Variants in ERC2 observed in about 807,000 individuals in gnomAD.
ERC2 encodes the protein ELKS/RAB6-interacting/CAST family member 2.
ERC2 carries 42 observed loss-of-function variants against 114.8 expected under a neutral mutation model. The ratio of observed to expected loss-of-function variants is 0.37; its 90% CI spans 0.29 to 0.47. ERC2 has a LOEUF of 0.47. Among genes scored for constraint, ERC2 ranks in the 20% least tolerant of loss-of-function variants. The pLI is 0.99. For synonymous variants in ERC2, 454 were observed against 425.5 expected (o/e 1.07, Z -0.82); for missense variants, 939 against 1,150.7 (o/e 0.82, Z 2.66).
At chr3:56,131,719 G>C (rs2149890267) in intron 6 of ERC2, among the ~76,000 whole-genome samples, 1 of 152,270 alleles carries the variant, frequency 6.6e-6, no homozygotes, top group Admixed American at 6.5e-5. Context: ...GGAAAGGTTG[G>C]TTAACAGATA....
intron 17 of ERC2, among the ~76,000 whole-genome samples, chr3:55,621,062 C>G (rs2059305083): frequency 6.6e-6 from 1 of 152,120 alleles, no homozygotes; most frequent in African/African-American, 2.4e-5. Flanking sequence ...GCCAGGAGGC[C>G]TTGAAGCACA....
chr3:56,193,767 C>G (rs960022619), intron 3 of ERC2, among the ~76,000 whole-genome samples: 1 of 152,152 alleles, frequency 6.6e-6, no homozygotes, highest in African/African-American at 2.4e-5. Context: ...GGTTAAATCA[C>G]TTGCCCAAAG....
intron 17 of ERC2, among the ~76,000 whole-genome samples, chr3:55,561,636 C>A (rs896722938): frequency 6.6e-6 from 1 of 152,172 alleles, no homozygotes; most frequent in Non-Finnish European, 1.5e-5. Context: ...ATTTTCCCCA[C>A]TGCCCTTTTC....
chr3:55,647,848 G>A (rs548154327), intron 17 of ERC2, among the ~76,000 whole-genome samples: 4 of 152,374 alleles, frequency 2.6e-5, no homozygotes, highest in East Asian at 1.9e-4. Context: ...CACAAACCCA[G>A]CAAGCTGAAA....
intron 14 of ERC2, among the ~76,000 whole-genome samples, chr3:55,857,581 A>T (rs777421487): frequency 2.6e-5 from 4 of 152,216 alleles, no homozygotes; most frequent in Admixed American, 2.0e-4. Flanking sequence ...CCACTAATAC[A>T]GAAAACAAAA....
chr3:55,851,719 A>G (rs951040682), intron 14 of ERC2, among the ~76,000 whole-genome samples: 6 of 151,070 alleles, frequency 4.0e-5, no homozygotes, highest in Admixed American at 1.3e-4. Flanking sequence ...AATCCCATCT[A>G]CTCTCATTAG....
chr3:55,688,858 GA>G (rs2062476598), intron 16 of ERC2, among the ~76,000 whole-genome samples: 2 of 152,148 alleles, frequency 1.3e-5, no homozygotes, highest in Admixed American at 1.3e-4. Flanking sequence ...TCCTCTGAAG[GA>G]ATATGCTTCC....
intron 13 of ERC2, among the ~76,000 whole-genome samples, chr3:55,920,446 A>ACGCCCCC (rs57638674): frequency 6.9e-6 from 1 of 145,446 alleles, no homozygotes; most frequent in South Asian, 2.2e-4. Flanking sequence ...ACACACACAC[A>ACGCCCCC]CCCCAAGTGA....
chr3:55,973,671 GGTT>G (rs1415325686), intron 12 of ERC2, among the ~76,000 whole-genome samples: 1 of 152,062 alleles, frequency 6.6e-6, no homozygotes, highest in African/African-American at 2.4e-5. Context: ...ACCCTTCCAG[GGTT>G]GTTGGGATTA....
chr3:56,185,873 G>C (rs995115801), intron 3 of ERC2, among the ~76,000 whole-genome samples: 2 of 152,024 alleles, frequency 1.3e-5, no homozygotes, highest in Non-Finnish European at 1.5e-5. Context: ...GAGGCAGAGA[G>C]AGATGCGGCA....
At chr3:56,113,264 C>T (rs948447051) in intron 6 of ERC2, among the ~76,000 whole-genome samples, 10 of 152,124 alleles carry the variant, frequency 6.6e-5, no homozygotes, top group African/African-American at 2.4e-4. Context: ...AAAGAAAGAG[C>T]TGGAACATAT....
intron 17 of ERC2, chr3:55,658,238 G>A (rs1178874188): frequency 6.6e-6 from 1 of 152,124 alleles, no homozygotes; most frequent in African/African-American, 2.4e-5. Context: ...TCATTTTCAG[G>A]TAGGGTTCTC....
At chr3:56,049,221 G>C (rs1032831887) in intron 7 of ERC2, among the ~76,000 whole-genome samples, 8 of 152,168 alleles carry the variant, frequency 5.3e-5, no homozygotes, top group African/African-American at 1.9e-4. Context: ...CTGGCTGCTG[G>C]GGGTGAGCGC....
chr3:55,845,311 C>A (rs929606768), intron 14 of ERC2, among the ~76,000 whole-genome samples: 12 of 151,868 alleles, frequency 7.9e-5, no homozygotes, highest in African/African-American at 2.9e-4. Context: ...GAGACCATCC[C>A]GGCTAAAACG....
intron 2 of ERC2, among the ~76,000 whole-genome samples, chr3:56,299,331 T>G (rs2055701212): frequency 6.6e-6 from 1 of 151,490 alleles, no homozygotes; most frequent in Non-Finnish European, 1.5e-5. Flanking sequence ...GGTTTCACAG[T>G]GTTAGTCAGG....
At chr3:55,526,676 A>C (rs890051247) in intron 17 of ERC2, among the ~76,000 whole-genome samples, 24 of 152,226 alleles carry the variant, frequency 1.6e-4, no homozygotes, top group African/African-American at 5.1e-4. Flanking sequence ...GAAACCCCTG[A>C]AGATGAGCCA....
At position 55,509,363 on chromosome 3, in the gene ERC2, A is replaced by G. The variant is rs2051943498; in HGVS notation, c.*1953T>C. 2 of 152,650 alleles carry G rather than the reference A, an allele frequency of 1.3e-5. No homozygotes were observed. Among genetic ancestry groups the G allele is most frequent in the Admixed American group, 6.5e-5 (1 of 15,274 alleles). The allele number at this position is 152,650 out of a possible 1,614,324, so 9.5% of individuals were successfully genotyped here. On this transcript the variant is annotated 3_prime_UTR_variant, in exon 18 of 18. Coordinates refer to ENST00000288221, the MANE Select transcript of ERC2 (RefSeq NM_015576.3). ...CAGTGAGAACCACTTCTTTGAGGAC[A>G]TCCAAACTGTTCACTGGGACACATT... is the stretch of plus-strand genomic sequence containing the variant.
chr3:56,032,965 GAAAGAAAGAAAGAGAAAGAA>G (rs2074511377), intron 7 of ERC2, among the ~76,000 whole-genome samples: 10 of 82,620 alleles, frequency 1.2e-4, no homozygotes, highest in South Asian at 8.7e-4. Flanking sequence ...GAAACAGAAA[GAAAGAAAGAAAGAGAAAGAA>G]AGAAAGAAAG....
At chr3:55,951,832 G>A (rs888446885) in intron 12 of ERC2, among the ~76,000 whole-genome samples, 2 of 152,004 alleles carry the variant, frequency 1.3e-5, no homozygotes, top group South Asian at 2.1e-4. Context: ...AACAGCAAAC[G>A]TGAAATTGAA....
Sources: gnomAD v4.1 joint callset for allele counts (sites outside exome capture counted in the v4.1 genomes callset) on GRCh38, gnomAD v4.1.1 for gene constraint, MANE v1.5 for transcripts, NCBI Gene and HGNC (gene_info 2026-07-23, HGNC 2026-07-21) for gene names.